Variants in GTSE1 observed in about 807,000 individuals in gnomAD.
GTSE1 encodes the protein G2 and S phase-expressed protein 1.
A neutral mutation model predicts 60.5 loss-of-function variants in GTSE1; 52 were observed. The ratio of observed to expected loss-of-function variants is 0.86; its 90% CI spans 0.69 to 1.08. GTSE1 has a LOEUF of 1.08. Among genes scored for constraint, GTSE1 ranks in the 50% least tolerant of loss-of-function variants. The pLI, the probability that GTSE1 is intolerant of heterozygous loss-of-function variation, is 0.00. For synonymous variants in GTSE1, 368 were observed against 386.5 expected (o/e 0.95, Z 0.56); for missense variants, 937 against 961.8 (o/e 0.97, Z 0.34).
chr22:46,311,377 C>T (rs1378401983), intron 4 of GTSE1, among the ~76,000 whole-genome samples: 9 of 152,122 alleles, frequency 5.9e-5, no homozygotes, highest in African/African-American at 1.7e-4. Context: ...TGCACCCGGC[C>T]GAGTACAGGT....
At position 46,324,642 on chromosome 22, in the gene GTSE1, C is replaced by T. The variant is rs1000729884; in HGVS notation, c.1505+1380C>T. The stretch of plus-strand genomic sequence containing the variant: ...TTGGCCTCGCAAAGTGCTGGGATTA[C>T]AGGTGTGAGCCACCGCGCCTGGCCG... On this transcript the variant is annotated intron_variant, in intron 8 of 11. Transcript: ENST00000454366. The surrounding 1 kb of genome is among the most constrained non-coding windows in gnomAD (Gnocchi z 5.2). Among the ~76,000 whole-genome samples the T allele has an allele frequency of 6.6e-6, 1 of 152,170 alleles. No individual in the cohort carries two copies. The highest frequency in any genetic ancestry group is 2.4e-5 in the African/African-American group (1 of 41,450).
In GTSE1 at chr22:46,308,606, A is replaced by C. The variant is rs1439362220; in HGVS notation, c.425A>C (p.Lys142Thr). ...GTGGAAAGATTCATACAGGAGTCAAAATTAAAAATAAACCTCTTTGAGAAA... is the reference window on the plus strand; with the variant it reads ...GTGGAAAGATTCATACAGGAGTCAACATTAAAAATAAACCTCTTTGAGAAA... The part of the protein sequence containing the change: ...QGVERFIQES[K>T]LKINLFEKEK... Residue 142 changes from lysine to threonine, a missense_variant, in exon 4 of 12, where the codon AAA (lysine) becomes ACA (threonine). Coordinates refer to ENST00000454366, the MANE Select transcript of GTSE1 (RefSeq NM_016426.7). 1.9e-6 allele frequency: 3 copies of C among 1,614,046 alleles called. No individual in the cohort carries two copies. Among genetic ancestry groups the C allele is most frequent in the Admixed American group, 3.3e-5 (2 of 60,008 alleles).
At chr22:46,302,828 C>A (rs2077696439) in intron 2 of GTSE1, among the ~76,000 whole-genome samples, 2 of 151,370 alleles carry the variant, frequency 1.3e-5, no homozygotes, top group South Asian at 4.2e-4. Context: ...AGGCATGGAC[C>A]AAACTTAGTT....
At position 46,313,504 on chromosome 22, in the gene GTSE1, C is replaced by G. The variant is rs116124045; in HGVS notation, c.928-386C>G. Among the ~76,000 whole-genome samples the G allele has an allele frequency of 0.011, 1,680 of 152,310 alleles. 38 individuals carry two copies. The highest frequency in any genetic ancestry group is 0.038 in the African/African-American group (1,588 of 41,576). The stretch of plus-strand genomic sequence containing the variant: ...TATTTTAAAATAGTAAAAACACCAA[C>G]TTTTGTTGTTGTTGTTGTTGTTGAG... On this transcript the variant is annotated intron_variant, in intron 5 of 11. Coordinates refer to ENST00000454366, the MANE Select transcript of GTSE1 (RefSeq NM_016426.7). This position sits in a 1 kb window ranked among gnomAD's most constrained non-coding sequence, Gnocchi z 4.4.
At position 46,329,870 on chromosome 22, in the gene GTSE1, G is replaced by T. The variant is rs535678189; in HGVS notation, c.2137-177G>T. Reference sequence around the variant, plus strand: ...ATGGTGGGGGCCTGGGCTTCTCCGTGTGTGTCCTGTCTCCTTCCAGCTTCT... The same window carrying T: ...ATGGTGGGGGCCTGGGCTTCTCCGTTTGTGTCCTGTCTCCTTCCAGCTTCT... On this transcript the variant is annotated intron_variant, in intron 11 of 11. Coordinates refer to ENST00000454366, the MANE Select transcript of GTSE1 (RefSeq NM_016426.7). The surrounding 1 kb of genome is among the most constrained non-coding windows in gnomAD (Gnocchi z 6.4). 6.6e-6 allele frequency among the ~76,000 whole-genome samples: 1 copy of T among 152,360 alleles called. No homozygotes were observed. Among genetic ancestry groups the T allele is most frequent in the East Asian group, 1.9e-4 (1 of 5,182 alleles).
chr22:46,314,018 G>C lies in GTSE1; in HGVS notation c.1051+5G>C, dbSNP rs1292037595. 6.2e-7 allele frequency: 1 copy of C among 1,613,922 alleles called. No individual in the cohort carries two copies. The highest frequency in any genetic ancestry group is 2.2e-5 in the East Asian group (1 of 44,876). ...CATCCCCAGCAGTGGGCAAAGGTGA[G>C]GCAGCCGGCATCATGCTTGGACCCA... On this transcript the variant is annotated splice_donor_5th_base_variant and intron_variant, in intron 6 of 11. Coordinates refer to ENST00000454366, the MANE Select transcript of GTSE1 (RefSeq NM_016426.7). The surrounding 1 kb of genome is among the most constrained non-coding windows in gnomAD (Gnocchi z 7.1).
In GTSE1 at chr22:46,317,532, G is replaced by T. The variant is rs2077788443; in HGVS notation, c.1432+1120G>T. On this transcript the variant is annotated intron_variant, in intron 7 of 11. Transcript: ENST00000454366. The surrounding 1 kb of genome is among the most constrained non-coding windows in gnomAD (Gnocchi z 5.6). ...CTGACTAATTTTGTTTCCGGGTTTT[G>T]GCCTCATTTTCCTGCCTCTACATTT... is the stretch of plus-strand genomic sequence containing the variant. Among the ~76,000 whole-genome samples the T allele has an allele frequency of 6.6e-6, 1 of 152,060 alleles. No homozygotes were observed. The highest frequency in any genetic ancestry group is 1.5e-5 in the Non-Finnish European group (1 of 68,026).
intron 9 of GTSE1, 154 bp downstream of exon 9, chr22:46,326,808 T>G (rs1378136708): frequency 1.2e-5 from 7 of 578,866 alleles, no homozygotes; most frequent in African/African-American, 1.9e-5. Context: ...AAAGAGAAAA[T>G]GCAATAGACA....
chr22:46,315,449 C>T (rs1353317338), intron 6 of GTSE1, among the ~76,000 whole-genome samples: 1 of 152,050 alleles, frequency 6.6e-6, no homozygotes, highest in Non-Finnish European at 1.5e-5. Flanking sequence ...TTGCCTTGGC[C>T]TCCCAAAGTG....
chr22:46,308,003 G>T (rs2077725111), intron 2 of GTSE1, 147 bp from the exon 3 acceptor site: 2 of 626,052 alleles, frequency 3.2e-6, no homozygotes, highest in Non-Finnish European at 5.6e-6. Context: ...AGCCCCCTAT[G>T]AAAAACTAAA....
intron 2 of GTSE1, among the ~76,000 whole-genome samples, chr22:46,307,051 C>T (rs764834495): frequency 7.9e-5 from 12 of 152,220 alleles, no homozygotes; most frequent in African/African-American, 2.2e-4. Context: ...GGGAGCCTTG[C>T]GGGGAGCTGG....
At position 46,326,585 on chromosome 22, in the gene GTSE1, C is replaced by A. The variant is rs771918443; in HGVS notation, c.1655C>A (p.Ala552Asp). ...PPMTPKTMPR[A>D]VGSPLCVPAR... ...ATGACCCCCAAAACGATGCCCAGGG[C>A]CGTGGGCTCTCCCCTGTGTGTGCCA... The change falls in exon 9 of 12, where the codon GCC (alanine) becomes GAC (aspartate). Residue 552 changes from alanine (A) to aspartate (D), a missense_variant. Physicochemically the swap from Ala to Asp is moderately radical, Grantham distance 126 (BLOSUM62 -2). Transcript: ENST00000454366. The A allele has an allele frequency of 8.7e-6, 14 of 1,613,940 alleles. No homozygotes were observed.
At chr22:46,307,511 C>CTTT (rs60566111) in intron 2 of GTSE1, among the ~76,000 whole-genome samples, 101 of 148,900 alleles carry the variant, frequency 6.8e-4, no homozygotes, top group African/African-American at 2.4e-3. Context: ...GATGTAATTT[C>CTTT]TTTTTTTTTT....
At position 46,320,562 on chromosome 22, in the gene GTSE1, C is replaced by T. The variant is rs534714966; in HGVS notation, c.1433-2628C>T. On this transcript the variant is annotated intron_variant, in intron 7 of 11. Coordinates refer to ENST00000454366, the MANE Select transcript of GTSE1 (RefSeq NM_016426.7). The surrounding 1 kb of genome is among the most constrained non-coding windows in gnomAD (Gnocchi z 7.1). ...TGTCACCGTGGAGGAGAGGTGAGGG[C>T]TGAGGGCACTCACAGCGTGGGACCA... is the stretch of plus-strand genomic sequence containing the variant. Among the ~76,000 whole-genome samples, 1 of 152,366 alleles carries T rather than the reference C, an allele frequency of 6.6e-6. No individual in the cohort carries two copies. Among genetic ancestry groups the T allele is most frequent in the South Asian group, 2.1e-4 (1 of 4,832 alleles).
rs1056860738 is a variant in GTSE1, at chr22:46,314,043, A to C, written c.1051+30A>C. ...GGCAGCCGGCATCATGCTTGGACCC[A>C]CATCTGGCCAGGTGAGGCCTGGAGT... On this transcript the variant is annotated intron_variant, in intron 6 of 11. Transcript: ENST00000454366. The surrounding 1 kb of genome is among the most constrained non-coding windows in gnomAD (Gnocchi z 7.1). 12 of 1,612,338 alleles carry C rather than the reference A, an allele frequency of 7.4e-6. No homozygotes were observed. In the African/African-American group the frequency reaches 1.3e-4, roughly 18 times the overall value.
chr22:46,329,365 T>A lies in GTSE1; in HGVS notation c.1934T>A (p.Leu645His). Residue 645 changes from leucine (L) to histidine (H), a missense_variant, in exon 11 of 12, where the codon CTT becomes CAT. Coordinates refer to ENST00000454366, the MANE Select transcript of GTSE1 (RefSeq NM_016426.7). The surrounding 1 kb of genome is among the most constrained non-coding windows in gnomAD (Gnocchi z 6.4). ...CCTTGGTTTTGTACCCAGGCTCTTC[T>A]TGTAGATATCAAACTGGAACCACTC... is the stretch of plus-strand genomic sequence containing the variant. Reference protein sequence around the residue: ...GGDAAPSEALLVDIKLEPLAV... With the variant: ...GGDAAPSEALHVDIKLEPLAV... The A allele has an allele frequency of 6.2e-7, 1 of 1,613,528 alleles. No homozygotes were observed.
At chr22:46,302,842 A>G (rs2077696554) in intron 2 of GTSE1, among the ~76,000 whole-genome samples, 1 of 145,954 alleles carries the variant, frequency 6.9e-6, no homozygotes. Context: ...CTTAGTTGGC[A>G]TTTTTCCAGA....
chr22:46,329,425 T>A lies in GTSE1; in HGVS notation c.1994T>A (p.Ile665Asn). 6.2e-7 allele frequency: 1 copy of A among 1,614,190 alleles called. No homozygotes were observed. Among genetic ancestry groups the A allele is most frequent in the Non-Finnish European group, 8.5e-7 (1 of 1,180,020 alleles). ...CCAGATGCTGCAAGCCAGCCCCTCA[T>A]TGACCTTCCTCTCATCGACTTCTGC... ...VTPDAASQPLIDLPLIDFCDT... is the reference protein window; with the variant it reads ...VTPDAASQPLNDLPLIDFCDT... Residue 665 changes from isoleucine (I) to asparagine (N), a missense_variant, in exon 11 of 12, where the codon ATT becomes AAT. Ile to Asn is a moderately radical substitution (Grantham distance 149, BLOSUM62 -3). Coordinates refer to ENST00000454366, the MANE Select transcript of GTSE1 (RefSeq NM_016426.7). This position sits in a 1 kb window ranked among gnomAD's most constrained non-coding sequence, Gnocchi z 6.4.
At chr22:46,326,777 G>C (rs2077847101) in intron 9 of GTSE1, 123 bp downstream of exon 9, 1 of 619,386 alleles carries the variant, frequency 1.6e-6, no homozygotes, top group Admixed American at 3.7e-5. Context: ...TGGAAAGTTT[G>C]TTTGTTTTTT....
Sources: allele counts gnomAD v4.1 joint callset (sites outside exome capture counted in the v4.1 genomes callset), GRCh38; gene constraint gnomAD v4.1.1; non-coding constraint Gnocchi (gnomAD v3.1); transcripts MANE v1.5; gene names NCBI Gene and HGNC (gene_info 2026-07-23, HGNC 2026-07-21).